The following RAD51B variants were observed in gnomAD, a reference collection of about 807,000 sequenced individuals.
The protein encoded by RAD51B is RAD51 paralog B.
RAD51B carries 38 observed loss-of-function variants against 42.2 expected under a neutral mutation model. The observed-to-expected ratio is 0.90, with a 90% CI of 0.70 to 1.18. RAD51B has a LOEUF of 1.18. Ranked by LOEUF, RAD51B falls within the 50% of genes most tolerant of loss-of-function variation. The pLI, the probability that RAD51B is intolerant of heterozygous loss-of-function variation, is 0.00. For synonymous variants in RAD51B, 154 were observed against 145.2 expected (o/e 1.06, Z -0.43); for missense variants, 373 against 400.7 (o/e 0.93, Z 0.59).
intron 10 of RAD51B, among the ~76,000 whole-genome samples, chr14:68,487,028 C>G (rs554081081): frequency 3.3e-5 from 5 of 152,298 alleles, no homozygotes; most frequent in African/African-American, 1.2e-4. Flanking sequence ...ACTGCCTGTT[C>G]AGAGAAAGTG....
intron 8 of RAD51B, among the ~76,000 whole-genome samples, chr14:68,320,684 A>G (rs1002745066): frequency 6.6e-6 from 1 of 152,236 alleles, no homozygotes; most frequent in Admixed American, 6.5e-5. Context: ...CACTCCCTCT[A>G]TAAAATGATT....
At chr14:68,426,365 C>T (rs1225143689) in intron 9 of RAD51B, among the ~76,000 whole-genome samples, 1 of 151,962 alleles carries the variant, frequency 6.6e-6, no homozygotes, top group Non-Finnish European at 1.5e-5. Flanking sequence ...CGTGAGCCAC[C>T]GGGCCTGGTC....
chr14:68,235,703 CAAAAAAAAAAAAAAA>C (rs57180468), intron 7 of RAD51B, among the ~76,000 whole-genome samples: 10 of 14,068 alleles, frequency 7.1e-4, no homozygotes, highest in Admixed American at 4.1e-3. Context: ...GACTCCGTCT[CAAAAAAAAAAAAAAA>C]AAAAAAAAAA....
exon 11 of RAD51B, chr14:68,611,192 C>A: frequency 1.4e-6 from 1 of 703,090 alleles, no homozygotes; most frequent in Admixed American, 2.0e-5. Context: ...GCTCTTCCTC[C>A]TACAAACTGG....
At chr14:67,928,667 T>A (rs1440006590) in intron 7 of RAD51B, among the ~76,000 whole-genome samples, 5 of 152,118 alleles carry the variant, frequency 3.3e-5, no homozygotes, top group Non-Finnish European at 7.4e-5. Context: ...ATGTTGGCCA[T>A]GTTGGGTGGA....
intron 7 of RAD51B, among the ~76,000 whole-genome samples, chr14:68,270,095 A>G (rs987839789): frequency 2.6e-5 from 4 of 152,240 alleles, no homozygotes; most frequent in African/African-American, 7.2e-5. Flanking sequence ...ACTTTGCGAT[A>G]ACTTTGCAAC....
intron 7 of RAD51B, among the ~76,000 whole-genome samples, chr14:68,033,995 A>G (rs1271553469): frequency 1.3e-5 from 2 of 152,166 alleles, no homozygotes; most frequent in African/African-American, 4.8e-5. Context: ...TCTTTTTAAA[A>G]AAACAAAATC....
intron 7 of RAD51B, among the ~76,000 whole-genome samples, chr14:68,087,239 C>G (rs2076999005): frequency 1.3e-5 from 2 of 151,928 alleles, no homozygotes; most frequent in Non-Finnish European, 2.9e-5. Flanking sequence ...TGATAATGCT[C>G]TTTATTTTGG....
Position 68,496,986 on chromosome 14 carries a change from G to C in RAD51B, c.1036+28736G>C. ...CTCTCTCAACTCTTCAAATGAGGTT[G>C]GAACAAACAGAATGGGGGCATGAAC... is the stretch of plus-strand genomic sequence containing the variant. On this transcript the variant is annotated intron_variant, in intron 10 of 10. Transcript: ENST00000487270. 6 of 760,932 alleles carry C rather than the reference G, an allele frequency of 7.9e-6. No individual in the cohort carries two copies. The South Asian group carries it at 1.1e-4, about 14-fold the overall frequency. The allele number at this position is 760,932 out of a possible 1,614,324, so 47.1% of individuals were successfully genotyped here.
At chr14:68,030,549 G>T (rs2076025392) in intron 7 of RAD51B, among the ~76,000 whole-genome samples, 1 of 152,154 alleles carries the variant, frequency 6.6e-6, no homozygotes, top group Admixed American at 6.5e-5. Context: ...TAGAATTGAA[G>T]ACAGTTATGG....
intron 7 of RAD51B, among the ~76,000 whole-genome samples, chr14:67,901,370 A>G (rs2043606983): frequency 6.6e-6 from 1 of 152,220 alleles, no homozygotes; most frequent in South Asian, 2.1e-4. Flanking sequence ...TCTGAGCAAC[A>G]TCCTGGCATG....
chr14:68,589,029 G>C (rs983499075), intron 10 of RAD51B, among the ~76,000 whole-genome samples: 1 of 152,198 alleles, frequency 6.6e-6, no homozygotes, highest in Non-Finnish European at 1.5e-5. Context: ...CCTGGGGCGA[G>C]TCCCTTAACC....
At chr14:68,569,393 C>T (rs531110192) in intron 10 of RAD51B, among the ~76,000 whole-genome samples, 4 of 152,338 alleles carry the variant, frequency 2.6e-5, no homozygotes, top group African/African-American at 4.8e-5. Context: ...CAACTCACCA[C>T]GCCTTGAAAG....
chr14:68,488,219 T>C lies in RAD51B; in HGVS notation c.1036+19969T>C, dbSNP rs1384802999. Among the ~76,000 whole-genome samples, 6 of 133,638 alleles carry C rather than the reference T, an allele frequency of 4.5e-5. No individual in the cohort carries two copies. In the South Asian group the frequency reaches 9.3e-4, roughly 21 times the overall value. The allele number at this position is 133,638 out of a possible 152,430, so 87.7% of individuals were successfully genotyped here. Reference sequence around the variant, plus strand: ...TTTGTCTTTTTTTTTTTTTTTTTTTTTTCAATAATACAGGGCTTACAAACT... The same window carrying C: ...TTTGTCTTTTTTTTTTTTTTTTTTTCTTCAATAATACAGGGCTTACAAACT... On this transcript the variant is annotated intron_variant, in intron 10 of 10. Transcript: ENST00000487270.
intron 6 of RAD51B, 102 bp downstream of exon 6, chr14:67,886,090 A>G: frequency 1.0e-6 from 1 of 992,284 alleles, no homozygotes; most frequent in Non-Finnish European, 1.4e-6. Context: ...ATAGGTTAGA[A>G]TTATGTGGAG....
In RAD51B at chr14:68,025,284, G is replaced by A. The variant is rs143875251; in HGVS notation, c.756+138080G>A. 9.5e-4 allele frequency among the ~76,000 whole-genome samples: 144 copies of A among 152,092 alleles called. 1 individual carries two copies. The highest frequency in any genetic ancestry group is 3.2e-3 in the African/African-American group (133 of 41,522). ...AGGATTTTTACACCTATGTTTATCA[G>A]GGATATTGGCCTGAAGTTTGCTACG... On this transcript the variant is annotated intron_variant, in intron 7 of 10. Transcript: ENST00000471583.
chr14:67,864,722 A>G (rs1241169142), intron 4 of RAD51B: 7 of 529,692 alleles, frequency 1.3e-5, no homozygotes, highest in Non-Finnish European at 2.5e-5. Context: ...CTCAACTAGA[A>G]GTTTCTCATC....
chr14:68,343,508 C>T (rs1330738612), intron 8 of RAD51B, among the ~76,000 whole-genome samples: 5 of 152,142 alleles, frequency 3.3e-5, no homozygotes, highest in Admixed American at 3.3e-4. Flanking sequence ...TTGGAACTTA[C>T]ATTTAAAAGG....
At chr14:68,307,022 C>T (rs10131886) in intron 8 of RAD51B, among the ~76,000 whole-genome samples, 7,339 of 30,226 alleles carry the variant, frequency 0.24, 506 homozygotes, top group African/African-American at 0.37. Flanking sequence ...TTTTTTTTTT[C>T]CCTATCTGGA....
Sources: gnomAD v4.1 joint callset for allele counts (sites outside exome capture counted in the v4.1 genomes callset) on GRCh38, gnomAD v4.1.1 for gene constraint, MANE v1.5 for transcripts, NCBI Gene and HGNC (gene_info 2026-07-23, HGNC 2026-07-21) for gene names.